MOB4: variants seen among roughly 807,000 people sequenced by gnomAD.
MOB4 encodes the protein MOB family member 4, phocein, also known as MOB-like protein phocein.
Under a neutral mutation model 32.2 loss-of-function variants are expected in MOB4, and 4 were observed. That is an observed-to-expected ratio of 0.12 (90% CI 0.06 to 0.28). The LOEUF (loss-of-function observed/expected upper bound fraction) is 0.28, where lower values mean the gene tolerates loss of function less well. MOB4 is among the 10% of genes least tolerant of loss of function. The pLI is 1.00. For synonymous variants in MOB4, 88 were observed against 88.1 expected (o/e 1.00, Z 0.01); for missense variants, 158 against 271.2 (o/e 0.58, Z 2.93).
chr2:197,530,060 C>A (rs911188940), intron 2 of MOB4, among the ~76,000 whole-genome samples: 16 of 150,006 alleles, frequency 1.1e-4, no homozygotes, highest in East Asian at 2.0e-4. Context: ...ATCCCCACCC[C>A]CTGGGTTCAA....
At chr2:197,541,364 C>T (rs2086892358) in intron 5 of MOB4, among the ~76,000 whole-genome samples, 1 of 152,136 alleles carries the variant, frequency 6.6e-6, no homozygotes, top group African/African-American at 2.4e-5. Flanking sequence ...TTTTACTTGA[C>T]ACTGACTCAC....
intron 5 of MOB4, among the ~76,000 whole-genome samples, chr2:197,547,256 G>A (rs1026295221): frequency 1.3e-5 from 2 of 152,114 alleles, no homozygotes; most frequent in Non-Finnish European, 2.9e-5. Context: ...GTGGATTTAC[G>A]CAGTTCAAAC....
intron 5 of MOB4, among the ~76,000 whole-genome samples, chr2:197,544,507 A>T (rs1411545291): frequency 6.6e-6 from 1 of 152,148 alleles, no homozygotes; most frequent in Non-Finnish European, 1.5e-5. Context: ...TAATTCCAGC[A>T]CTTGGGGAGG....
chr2:197,520,113 A>G (rs550791604), intron 1 of MOB4, among the ~76,000 whole-genome samples: 17 of 151,754 alleles, frequency 1.1e-4, no homozygotes, highest in East Asian at 1.9e-4. Flanking sequence ...CTTCTACCCT[A>G]TCATTCCTTT....
chr2:197,518,960 G>T (rs2086466765), intron 1 of MOB4, among the ~76,000 whole-genome samples: 1 of 151,856 alleles, frequency 6.6e-6, no homozygotes, highest in East Asian at 1.9e-4. Flanking sequence ...GGGTTTCACT[G>T]TGTTAGCCAG....
intron 5 of MOB4, among the ~76,000 whole-genome samples, chr2:197,543,375 CAGTT>C (rs968431020): frequency 2.6e-5 from 4 of 151,752 alleles, no homozygotes; most frequent in African/African-American, 7.3e-5. Flanking sequence ...AAACCACAGA[CAGTT>C]GGTGCGAGGG....
intron 2 of MOB4, among the ~76,000 whole-genome samples, chr2:197,531,375 G>A (rs1178677526): frequency 2.0e-5 from 3 of 151,966 alleles, no homozygotes; most frequent in African/African-American, 7.2e-5. Context: ...GTACAGTTCT[G>A]TGGCATGAAG....
chr2:197,522,850 A>G (rs931893051), intron 1 of MOB4, among the ~76,000 whole-genome samples: 2 of 151,880 alleles, frequency 1.3e-5, no homozygotes, highest in African/African-American at 4.8e-5. Flanking sequence ...CCCTGTCTCT[A>G]CAAAAAATAC....
chr2:197,526,498 G>C (rs1375910506), intron 2 of MOB4, among the ~76,000 whole-genome samples: 1 of 152,002 alleles, frequency 6.6e-6, no homozygotes, highest in Non-Finnish European at 1.5e-5. Flanking sequence ...TGTAGTTTTA[G>C]TTAGAGACAG....
intron 3 of MOB4, among the ~76,000 whole-genome samples, chr2:197,536,953 T>C (rs945764219): frequency 3.9e-5 from 6 of 152,094 alleles, no homozygotes; most frequent in Admixed American, 3.3e-4. Context: ...TTGCCCAAGC[T>C]GGTCCTGAAA....
Position 197,544,041 on chromosome 2 carries a change from A to G in MOB4, c.354+3604A>G, listed in dbSNP as rs561578239. Reference sequence around the variant, plus strand: ...AGATGTGAGCCACTGCGCCCAGCCGAGTTTCTTTCTTTTTTTTTTTTAAGA... The same window carrying G: ...AGATGTGAGCCACTGCGCCCAGCCGGGTTTCTTTCTTTTTTTTTTTTAAGA... On this transcript the variant is annotated intron_variant, in intron 5 of 7. Transcript: ENST00000323303. Among the ~76,000 whole-genome samples the G allele has an allele frequency of 1.3e-3, 190 of 146,550 alleles. 1 individual carries two copies. The highest frequency in any genetic ancestry group is 4.5e-3 in the African/African-American group (180 of 39,630).
chr2:197,530,741 C>T (rs1350607047), intron 2 of MOB4, among the ~76,000 whole-genome samples: 2 of 152,066 alleles, frequency 1.3e-5, no homozygotes, highest in Non-Finnish European at 2.9e-5. Context: ...GCTGGGACTA[C>T]AGGCATGCAC....
chr2:197,536,561 T>A (rs2086802176), intron 3 of MOB4, among the ~76,000 whole-genome samples: 1 of 151,370 alleles, frequency 6.6e-6, no homozygotes, highest in African/African-American at 2.4e-5. Context: ...GTATTTCCGT[T>A]TCCCCATTTT....
At chr2:197,542,941 A>G (rs771976162) in intron 5 of MOB4, among the ~76,000 whole-genome samples, 1 of 152,202 alleles carries the variant, frequency 6.6e-6, no homozygotes. Flanking sequence ...CATGAGCCCC[A>G]TGTAGCTGTG....
intron 1 of MOB4, among the ~76,000 whole-genome samples, chr2:197,523,309 C>A (rs953243281): frequency 6.6e-6 from 1 of 152,016 alleles, no homozygotes; most frequent in African/African-American, 2.4e-5. Flanking sequence ...AACAGCCAGG[C>A]GCAGTGGGTC....
At chr2:197,534,854 A>G (rs766469387) in intron 2 of MOB4, among the ~76,000 whole-genome samples, 1 of 151,872 alleles carries the variant, frequency 6.6e-6, no homozygotes, top group Non-Finnish European at 1.5e-5. Flanking sequence ...TTTAGAACAT[A>G]TTTATCCTTC....
At chr2:197,539,385 C>G (rs2086858509) in intron 3 of MOB4, among the ~76,000 whole-genome samples, 1 of 135,660 alleles carries the variant, frequency 7.4e-6, no homozygotes, top group Non-Finnish European at 1.5e-5. Context: ...GTAGTGTGAT[C>G]TTGGCTCACT....
Position 197,531,087 on chromosome 2 carries a change from TC to T in MOB4, c.124-4440del, listed in dbSNP as rs1209692676. ...TTTTGAGGCAGAGTCTCGCTCTTTC[TC>T]CCAGGCTGGAGTGCAGTGGCGCGAT... On this transcript the variant is annotated intron_variant, in intron 2 of 7. Transcript: ENST00000323303. Among the ~76,000 whole-genome samples, 5 of 151,428 alleles carry T rather than the reference TC, an allele frequency of 3.3e-5. No homozygotes were observed. The East Asian group carries it at 9.7e-4, about 29-fold the overall frequency.
At chr2:197,516,757 G>A in intron 1 of MOB4, 1 of 471,314 alleles carries the variant, frequency 2.1e-6, no homozygotes, top group Non-Finnish European at 4.4e-6. Flanking sequence ...CTTGTTAGAT[G>A]TCATTCCTTG....
Sources: allele counts gnomAD v4.1 joint callset (sites outside exome capture counted in the v4.1 genomes callset), GRCh38; gene constraint gnomAD v4.1.1; transcripts MANE v1.5; gene names NCBI Gene and HGNC (gene_info 2026-07-23, HGNC 2026-07-21).